The following PALM2AKAP2 variants were observed in gnomAD, a reference collection of about 807,000 sequenced individuals.
PALM2AKAP2 encodes PALM2 and AKAP2 fusion.
PALM2AKAP2 carries 37 observed loss-of-function variants against 71.5 expected under a neutral mutation model. The observed-to-expected ratio is 0.52, with a 90% CI of 0.40 to 0.68. PALM2AKAP2 has a LOEUF of 0.68. PALM2AKAP2 is among the 30% of genes least tolerant of loss of function. The pLI is 0.00. For synonymous variants in PALM2AKAP2, 468 were observed against 478.8 expected (o/e 0.98, Z 0.29); for missense variants, 1,224 against 1,191.8 (o/e 1.03, Z -0.40).
In PALM2AKAP2 at chr9:109,943,567, A is replaced by G. The variant is rs1378989130; in HGVS notation, c.496+11539A>G. 4.9e-6 allele frequency: 6 copies of G among 1,228,260 alleles called. No homozygotes were observed. In the Admixed American group the frequency reaches 1.4e-4, roughly 29 times the overall value. The allele number at this position is 1,228,260 out of a possible 1,614,324, so 76.1% of individuals were successfully genotyped here. On this transcript the variant is annotated intron_variant, in intron 6 of 9. Transcript: ENST00000302798. ...CAGTTGAATTGCTTTGATCTCTCTC[A>G]TTTTTTTTCCTTTTCCTCACCTGAG... is the stretch of plus-strand genomic sequence containing the variant.
chr9:109,934,492 T>C (rs1831178055), intron 6 of PALM2AKAP2, among the ~76,000 whole-genome samples: 2 of 152,174 alleles, frequency 1.3e-5, no homozygotes, highest in African/African-American at 4.8e-5. Context: ...CCAGCTGGTA[T>C]TGAGATGATG....
chr9:109,782,743 T>TG lies in PALM2AKAP2; in HGVS notation c.45+2210_45+2211insG, dbSNP rs1491157964. Among the ~76,000 whole-genome samples the TG allele has an allele frequency of 1.9e-4, 21 of 109,440 alleles. No homozygotes were observed. The South Asian group carries it at 3.7e-3, about 19-fold the overall frequency. 71.8% of individuals were successfully genotyped at this position (109,440 alleles called of 152,430 possible). A position where few individuals can be genotyped will look rare whatever the true frequency, so the allele number is the denominator to read the frequency against. On this transcript the variant is annotated intron_variant, in intron 1 of 9. Transcript: ENST00000302798. ...CAGATTTGCTAACAGCGTGTGTTTG[T>TG]TTGTGTGTGTGTGTGTGTGTGTGTG...
intron 1 of PALM2AKAP2, among the ~76,000 whole-genome samples, chr9:109,717,749 C>A (rs532836830): frequency 3.3e-5 from 5 of 152,328 alleles, no homozygotes; most frequent in African/African-American, 9.6e-5. Flanking sequence ...GGTTGGGCAG[C>A]CTAAGCCCTC....
chr9:110,006,206 A>C (rs1832777722), intron 6 of PALM2AKAP2, among the ~76,000 whole-genome samples: 3 of 144,750 alleles, frequency 2.1e-5, no homozygotes, highest in South Asian at 4.4e-4. Context: ...CTTTCTCTCT[A>C]TATCTCTTCT....
chr9:109,879,488 A>G (rs1829796945), intron 2 of PALM2AKAP2, among the ~76,000 whole-genome samples: 1 of 152,092 alleles, frequency 6.6e-6, no homozygotes, highest in Non-Finnish European at 1.5e-5. Context: ...CCATCTAGGG[A>G]CCATATAAGT....
chr9:110,023,344 C>T (rs568963806), intron 7 of PALM2AKAP2, among the ~76,000 whole-genome samples: 9 of 89,004 alleles, frequency 1.0e-4, no homozygotes, highest in East Asian at 7.8e-4. Flanking sequence ...GATGGAGTTT[C>T]GCTCTTGTCA....
At chr9:109,876,244 G>A (rs1318678397) in intron 2 of PALM2AKAP2, among the ~76,000 whole-genome samples, 4 of 152,142 alleles carry the variant, frequency 2.6e-5, no homozygotes, top group Non-Finnish European at 1.5e-5. Flanking sequence ...GGGACCCTGT[G>A]CTTTGGATGG....
intron 1 of PALM2AKAP2, among the ~76,000 whole-genome samples, chr9:109,691,929 T>C (rs946971462): frequency 1.2e-4 from 14 of 117,740 alleles, no homozygotes; most frequent in South Asian, 2.8e-4. Context: ...TATATACACA[T>C]ATATATATAT....
intron 1 of PALM2AKAP2, among the ~76,000 whole-genome samples, chr9:109,704,676 A>G (rs566738892): frequency 2.6e-5 from 4 of 152,134 alleles, no homozygotes; most frequent in Non-Finnish European, 2.9e-5. Context: ...GTCATTTCAC[A>G]TGCGTGATAA....
chr9:109,726,640 T>C (rs1028766272), intron 1 of PALM2AKAP2, among the ~76,000 whole-genome samples: 1 of 152,238 alleles, frequency 6.6e-6, no homozygotes, highest in African/African-American at 2.4e-5. Context: ...GCCATATATA[T>C]GTGTGTATGT....
chr9:109,704,293 T>G (rs1828108455), intron 1 of PALM2AKAP2, among the ~76,000 whole-genome samples: 1 of 152,240 alleles, frequency 6.6e-6, no homozygotes, highest in Non-Finnish European at 1.5e-5. Flanking sequence ...TCCCCCCTTT[T>G]TAGCCTGTAA....
At position 109,869,883 on chromosome 9, in the gene PALM2AKAP2, G is replaced by A. The variant is rs114539307; in HGVS notation, c.126+2312G>A. 6.1e-3 allele frequency among the ~76,000 whole-genome samples: 935 copies of A among 152,284 alleles called. 10 individuals are homozygous for A. Among genetic ancestry groups the A allele is most frequent in the African/African-American group, 0.022 (902 of 41,550 alleles). On this transcript the variant is annotated intron_variant, in intron 2 of 9. Transcript: ENST00000302798. The stretch of plus-strand genomic sequence containing the variant: ...CTATTGCAGGGCAGGAGGTGGGTGA[G>A]GTGGGGAGGACTGGAGGTGATGGTA...
Position 110,024,754 on chromosome 9 carries a change from A to C in PALM2AKAP2, c.582+8715A>C, listed in dbSNP as rs1833143941. On this transcript the variant is annotated intron_variant, in intron 7 of 9. Transcript: ENST00000302798. Reference sequence around the variant, plus strand: ...AGCTGTGATTGTGTCACTGCACTCTATCCTGGGTGATGACAGAGTATGACC... The same window carrying C: ...AGCTGTGATTGTGTCACTGCACTCTCTCCTGGGTGATGACAGAGTATGACC... The C allele has an allele frequency of 6.5e-6, 4 of 611,666 alleles. No individual in the cohort carries two copies. In the South Asian group the frequency reaches 8.1e-5, roughly 12 times the overall value. 37.9% of individuals were successfully genotyped at this position (611,666 alleles called of 1,614,324 possible).
chr9:110,136,173 G>A (rs1835860202), exon 2 of PALM2AKAP2: 2 of 1,606,748 alleles, frequency 1.2e-6, no homozygotes, highest in Non-Finnish European at 1.7e-6. Context: ...AAAAGCGAGG[G>A]AGACAACTAT....
chr9:109,710,279 A>C (rs1277449290), intron 1 of PALM2AKAP2, among the ~76,000 whole-genome samples: 1 of 152,248 alleles, frequency 6.6e-6, no homozygotes, highest in Non-Finnish European at 1.5e-5. Flanking sequence ...AGTAATGCAC[A>C]GCCCCAGAAG....
chr9:109,837,715 C>T (rs190202680), intron 1 of PALM2AKAP2, among the ~76,000 whole-genome samples: 6 of 152,200 alleles, frequency 3.9e-5, no homozygotes, highest in Admixed American at 1.3e-4. Flanking sequence ...CAAAAAAAGG[C>T]AGGGGTTGCA....
intron 1 of PALM2AKAP2, among the ~76,000 whole-genome samples, chr9:109,813,877 C>T (rs1036357492): frequency 1.3e-5 from 2 of 152,248 alleles, no homozygotes. Context: ...CCACGCCCTG[C>T]ACCCTAACTG....
chr9:110,059,248 C>G (rs1833910963), intron 1 of PALM2AKAP2, among the ~76,000 whole-genome samples: 1 of 152,194 alleles, frequency 6.6e-6, no homozygotes, highest in Non-Finnish European at 1.5e-5. Flanking sequence ...GAGCTCCTGT[C>G]ATTCATCCAG....
At chr9:109,938,223 A>G (rs1199505796) in intron 6 of PALM2AKAP2, among the ~76,000 whole-genome samples, 4 of 152,228 alleles carry the variant, frequency 2.6e-5, no homozygotes, top group Non-Finnish European at 5.9e-5. Context: ...ATGCTTACTC[A>G]TAAAGATGAC....
Sources: allele counts gnomAD v4.1 joint callset (sites outside exome capture counted in the v4.1 genomes callset), GRCh38; gene constraint gnomAD v4.1.1; transcripts MANE v1.5; gene names NCBI Gene and HGNC (gene_info 2026-07-23, HGNC 2026-07-21).